Variants in ZDHHC6 observed in about 807,000 individuals in gnomAD.
The protein encoded by ZDHHC6 is zDHHC palmitoyltransferase 6, also known as palmitoyltransferase ZDHHC6.
Under a neutral mutation model 57.8 loss-of-function variants are expected in ZDHHC6, and 32 were observed. That is an observed-to-expected ratio of 0.55 (90% CI 0.42 to 0.74). The LOEUF (loss-of-function observed/expected upper bound fraction) is 0.74. Ranked by LOEUF, ZDHHC6 falls within the 30% of genes least tolerant of loss-of-function variation. The pLI, the probability that ZDHHC6 is intolerant of heterozygous loss-of-function variation, is 0.00. For synonymous variants in ZDHHC6, 128 were observed against 158.0 expected, an observed-to-expected ratio of 0.81 and a Z score of 1.42; for missense variants, 433 against 500.7, an observed-to-expected ratio of 0.86 and a Z score of 1.29.
Position 112,440,647 on chromosome 10 carries a change from T to C in ZDHHC6, c.568A>G (p.Arg190Gly). Residue 190 changes from arginine to glycine, a missense_variant, in exon 5 of 11, where the codon AGA becomes GGA. By Grantham distance (125) the Arg-to-Gly change is moderately radical. Coordinates refer to ENST00000369405, the MANE Select transcript of ZDHHC6 (RefSeq NM_022494.3). ...TVKIDMSAAR[R>G]DPLPIVPFGL... ...AATGGAACAATTGGAAGAGGATCTC[T>C]CCGGGCTGCACTCATGTCGATCTTC... 1 of 1,613,944 alleles carries C rather than the reference T, an allele frequency of 6.2e-7. No individual in the cohort carries two copies.
chr10:112,426,054 C>A (rs892617486), downstream of ZDHHC6, among the ~76,000 whole-genome samples: 3 of 151,034 alleles, frequency 2.0e-5, no homozygotes, highest in Non-Finnish European at 4.4e-5. Context: ...AATGGAACAT[C>A]TTTGTAATGA....
At chr10:112,436,947 G>A (rs373189649) in intron 6 of ZDHHC6, among the ~76,000 whole-genome samples, 29 of 152,312 alleles carry the variant, frequency 1.9e-4, no homozygotes, top group African/African-American at 6.7e-4. Flanking sequence ...AACAAAAGCT[G>A]TAGAGCCAGC....
chr10:112,440,777 T>C (rs2133893088), intron 4 of ZDHHC6, 82 bp from the exon 5 acceptor site: 1 of 1,381,996 alleles, frequency 7.2e-7, no homozygotes, highest in Non-Finnish European at 9.6e-7. Flanking sequence ...TAAAACAACT[T>C]GATCAAAGAG....
downstream of ZDHHC6, chr10:112,427,606 C>T (rs1844785532): frequency 3.5e-6 from 1 of 287,332 alleles, no homozygotes; most frequent in Middle Eastern, 9.9e-4. Context: ...ATCAACATGC[C>T]TGTCTTCAAG....
chr10:112,427,287 G>A (rs1391595898), downstream of ZDHHC6: 1 of 1,613,876 alleles, frequency 6.2e-7, no homozygotes, highest in Admixed American at 1.7e-5. Flanking sequence ...AACATTGAAA[G>A]CAAAGCGAGG....
At chr10:112,442,125 A>T (rs1846172947) in intron 4 of ZDHHC6, 67 bp downstream of exon 4, 2 of 1,456,608 alleles carry the variant, frequency 1.4e-6, no homozygotes, top group Non-Finnish European at 1.8e-6. Context: ...AACCTCTTAA[A>T]TGTTGATAAC....
upstream of ZDHHC6, chr10:112,447,019 C>CTCGGTGGT: frequency 6.8e-6 from 2 of 295,590 alleles, no homozygotes; most frequent in Admixed American, 4.2e-5. Context: ...GCGTGTGGAT[C>CTCGGTGGT]CGGAGCCGAT....
chr10:112,426,668 A>C, downstream of ZDHHC6: 1 of 862,618 alleles, frequency 1.2e-6, no homozygotes, highest in South Asian at 1.5e-5. Context: ...GTGCTTGTGC[A>C]TAGTTTTATA....
At chr10:112,443,782 T>A (rs1846379862) in intron 2 of ZDHHC6, among the ~76,000 whole-genome samples, 176 bp from the exon 3 acceptor site, 1 of 152,200 alleles carries the variant, frequency 6.6e-6, no homozygotes, top group South Asian at 2.1e-4. Flanking sequence ...AAGAGCAGCA[T>A]CACTTTCCCA....
At position 112,445,524 on chromosome 10, in the gene ZDHHC6, T is replaced by C. The variant is rs142450479; in HGVS notation, c.-88A>G. 5.3e-4 allele frequency: 764 copies of C among 1,454,976 alleles called. 3 individuals carry two copies. In the African/African-American group the frequency reaches 9.4e-3, roughly 18 times the overall value. The allele number at this position is 1,454,976 out of a possible 1,614,324, so 90.1% of individuals were successfully genotyped here. ...CATTTCCATGTGCCACAAGTCCATG[T>C]GTGTTCTTTAATTGTCATGCCTTCA... is the stretch of plus-strand genomic sequence containing the variant. On this transcript the variant is annotated 5_prime_UTR_variant, in exon 2 of 11. Coordinates refer to ENST00000369405, the MANE Select transcript of ZDHHC6 (RefSeq NM_022494.3).
chr10:112,433,984 G>T (rs1293378930), intron 7 of ZDHHC6, among the ~76,000 whole-genome samples: 2 of 152,024 alleles, frequency 1.3e-5, no homozygotes, highest in African/African-American at 2.4e-5. Flanking sequence ...AAAAAATTGT[G>T]GGCAAAGTTG....
At chr10:112,425,679 G>A (rs561856465), downstream of ZDHHC6, 10 of 473,704 alleles carry the variant, frequency 2.1e-5, no homozygotes, top group African/African-American at 6.0e-5. Context: ...TATGATGGAC[G>A]TTGTACACAA....
At chr10:112,447,518 G>C (rs539470602), upstream of ZDHHC6, 9 of 1,592,710 alleles carry the variant, frequency 5.7e-6, no homozygotes, top group Non-Finnish European at 7.7e-6. Context: ...CTGGGAGGGT[G>C]CGGGCGGTGG....
chr10:112,440,317 G>A (rs1845983613), intron 5 of ZDHHC6, among the ~76,000 whole-genome samples: 1 of 152,162 alleles, frequency 6.6e-6, no homozygotes. Flanking sequence ...TACCTAACTT[G>A]AAGTTAGCAT....
intron 1 of ZDHHC6, among the ~76,000 whole-genome samples, chr10:112,446,390 C>A (rs1435536428): frequency 6.6e-6 from 1 of 152,002 alleles, no homozygotes; most frequent in Non-Finnish European, 1.5e-5. Flanking sequence ...CCTCCAGGAG[C>A]GAGGGAAATG....
At position 112,432,484 on chromosome 10, in the gene ZDHHC6, C is replaced by A. The variant is rs200126297; in HGVS notation, c.983G>T (p.Cys328Phe). Residue 328 changes from cysteine to phenylalanine, a missense_variant, in exon 9 of 11, where the codon TGC becomes TTC. By Grantham distance (205) the Cys-to-Phe change is radical. Coordinates refer to ENST00000369405, the MANE Select transcript of ZDHHC6 (RefSeq NM_022494.3). ...YKVIEDYSGA[C>F]CPLNKGIKTF... is the part of the protein sequence containing the mutation. ...TTTGATTCCTTTATTCAGAGGGCAG[C>A]AGGCACCACTATAATCTTCTATTAC... 8.1e-5 allele frequency: 131 copies of A among 1,614,020 alleles called. 1 individual carries two copies. Among genetic ancestry groups the A allele is most frequent in the Non-Finnish European group, 4.3e-5 (51 of 1,179,998 alleles).
chr10:112,425,490 TCATTTTAACAATAGCC>T, downstream of ZDHHC6: 1 of 1,593,948 alleles, frequency 6.3e-7, no homozygotes, highest in East Asian at 2.3e-5. Flanking sequence ...GGGTAATATA[TCATTTTAACAATAGCC>T]CATTTCAGTC....
downstream of ZDHHC6, chr10:112,426,221 C>A (rs370229359): frequency 6.4e-7 from 1 of 1,551,476 alleles, no homozygotes; most frequent in East Asian, 2.2e-5. Flanking sequence ...TACATAACTT[C>A]TCTCATGCCC....
At chr10:112,437,005 A>C (rs1466170652) in intron 6 of ZDHHC6, among the ~76,000 whole-genome samples, 2 of 152,192 alleles carry the variant, frequency 1.3e-5, no homozygotes, top group East Asian at 3.8e-4. Context: ...GTAATATAGC[A>C]AACTAAGGTT....
Sources: allele counts gnomAD v4.1 joint callset (sites outside exome capture counted in the v4.1 genomes callset), GRCh38; gene constraint gnomAD v4.1.1; transcripts MANE v1.5; gene names NCBI Gene and HGNC (gene_info 2026-07-23, HGNC 2026-07-21).